The following SLC25A33 variants were observed in gnomAD, a reference collection of about 807,000 sequenced individuals.
SLC25A33 encodes bone marrow stromal cell mitochondrial carrier protein.
A neutral mutation model predicts 35.5 loss-of-function variants in SLC25A33; 15 were observed. The observed-to-expected ratio is 0.42, with a 90% CI of 0.28 to 0.65. The LOEUF (loss-of-function observed/expected upper bound fraction) is 0.65, where lower values mean the gene tolerates loss of function less well. SLC25A33 is among the 30% of genes least tolerant of loss of function. The pLI, the probability that SLC25A33 is intolerant of heterozygous loss-of-function variation, is 0.20. For missense variants in SLC25A33, 257 were observed against 398.5 expected (o/e 0.64, Z 3.02); for synonymous variants, 136 against 148.7 (o/e 0.91, Z 0.62).
intron 3 of SLC25A33, among the ~76,000 whole-genome samples, chr1:9,569,523 T>C (rs1643559851): frequency 6.6e-6 from 1 of 152,090 alleles, no homozygotes; most frequent in South Asian, 2.1e-4. Flanking sequence ...CCTCACCCAT[T>C]AGGGGAAATG....
At chr1:9,555,630 G>A (rs1643332370) in intron 2 of SLC25A33, among the ~76,000 whole-genome samples, 1 of 152,124 alleles carries the variant, frequency 6.6e-6, no homozygotes, top group Non-Finnish European at 1.5e-5. Flanking sequence ...AGCCCAGCGA[G>A]GGAACAGGGA....
intron 3 of SLC25A33, among the ~76,000 whole-genome samples, chr1:9,568,060 TGGATAGATA>T (rs1643535845): frequency 6.6e-6 from 1 of 152,202 alleles, no homozygotes; most frequent in African/African-American, 2.4e-5. Context: ...AAAGTTCTCT[TGGATAGATA>T]GGATAGAGAG....
At chr1:9,569,755 C>G (rs575484969) in intron 3 of SLC25A33, among the ~76,000 whole-genome samples, 2 of 152,140 alleles carry the variant, frequency 1.3e-5, no homozygotes, top group South Asian at 4.2e-4. Context: ...GACCACTTTG[C>G]GGTAGTCAAG....
rs574520513 is a variant in SLC25A33 at position 9,555,370 on chromosome 1, G to A, written c.236+1565G>A. 5.9e-5 allele frequency among the ~76,000 whole-genome samples: 9 copies of A among 151,972 alleles called. No homozygotes were observed. The South Asian group carries it at 1.7e-3, about 28-fold the overall frequency. Reference sequence around the variant, plus strand: ...CCTGACCTCGTGATCCGCCCACCTTGACCTCCCAAAGTGTTGGGATTACAG... The same window carrying A: ...CCTGACCTCGTGATCCGCCCACCTTAACCTCCCAAAGTGTTGGGATTACAG... On this transcript the variant is annotated intron_variant, in intron 2 of 6. Transcript: ENST00000302692.
chr1:9,559,567 A>G (rs1333824792), intron 2 of SLC25A33, among the ~76,000 whole-genome samples: 1 of 151,674 alleles, frequency 6.6e-6, no homozygotes, highest in Non-Finnish European at 1.5e-5. Context: ...GGAATATCCT[A>G]TTACATAATT....
intron 3 of SLC25A33, among the ~76,000 whole-genome samples, chr1:9,569,500 A>G (rs1234598876): frequency 6.6e-6 from 1 of 152,238 alleles, no homozygotes; most frequent in Non-Finnish European, 1.5e-5. Flanking sequence ...AACCTGATGC[A>G]GATTCCTGAC....
chr1:9,582,527 G>T lies in SLC25A33; in HGVS notation c.*26G>T. The T allele has an allele frequency of 6.4e-7, 1 of 1,572,646 alleles. No individual in the cohort carries two copies. Among genetic ancestry groups the T allele is most frequent in the Non-Finnish European group, 8.6e-7 (1 of 1,156,736 alleles). Reference sequence around the variant, plus strand: ...CAGGCCGGAAAATTGTGCTCTAGAAGAATAAAACTGAAAAACTCTAGAGAA... The same window carrying T: ...CAGGCCGGAAAATTGTGCTCTAGAATAATAAAACTGAAAAACTCTAGAGAA... On this transcript the variant is annotated 3_prime_UTR_variant, in exon 7 of 7. Coordinates refer to ENST00000302692, the MANE Select transcript of SLC25A33 (RefSeq NM_032315.3). The surrounding 1 kb of genome is among the most constrained non-coding windows in gnomAD (Gnocchi z 4.0).
chr1:9,573,162 T>C (rs1424050396), intron 4 of SLC25A33, among the ~76,000 whole-genome samples, 184 bp from the exon 5 acceptor site: 1 of 152,278 alleles, frequency 6.6e-6, no homozygotes, highest in Middle Eastern at 3.4e-3. Flanking sequence ...GCAATACCAA[T>C]AGATGTTACA....
chr1:9,580,319 C>T lies in SLC25A33; in HGVS notation c.763+85C>T, dbSNP rs1392563676. On this transcript the variant is annotated intron_variant, in intron 6 of 6. Coordinates refer to ENST00000302692, the MANE Select transcript of SLC25A33 (RefSeq NM_032315.3). Reference sequence around the variant, plus strand: ...GGTATATCTAGACTTCTGAGGCGCACATTGAGGCGCAGGATCCCTGCAGGT... The same window carrying T: ...GGTATATCTAGACTTCTGAGGCGCATATTGAGGCGCAGGATCCCTGCAGGT... The T allele has an allele frequency of 6.6e-6, 10 of 1,508,814 alleles. No individual in the cohort carries two copies. In the Admixed American group the frequency reaches 1.8e-4, roughly 27 times the overall value. 93.5% of individuals were successfully genotyped at this position (1,508,814 alleles called of 1,614,324 possible). A position where few individuals can be genotyped will look rare whatever the true frequency, so the allele number is the denominator to read the frequency against.
At chr1:9,548,899 C>T (rs1407541681) in intron 1 of SLC25A33, among the ~76,000 whole-genome samples, 1 of 152,186 alleles carries the variant, frequency 6.6e-6, no homozygotes, top group Non-Finnish European at 1.5e-5. Flanking sequence ...GCCCTGCTGC[C>T]ATTGACCAGA....
intron 1 of SLC25A33, among the ~76,000 whole-genome samples, chr1:9,548,747 AT>A (rs1643216325): frequency 6.6e-6 from 1 of 152,176 alleles, no homozygotes; most frequent in Non-Finnish European, 1.5e-5. Context: ...AGATTAGTCC[AT>A]TTTCCAACTA....
rs202104647 is a variant in SLC25A33 at position 9,582,251 on chromosome 1, G to A, written c.764-48G>A. 37 of 1,594,934 alleles carry A rather than the reference G, an allele frequency of 2.3e-5. No individual in the cohort carries two copies. In the Middle Eastern group the frequency reaches 6.7e-4, roughly 29 times the overall value. ...TTTTAAAGTTGTGTGCTGTGGATTC[G>A]TTCCCCATTTAATATGTGGCGTAAA... On this transcript the variant is annotated intron_variant, in intron 6 of 6. Transcript: ENST00000302692. The surrounding 1 kb of genome is among the most constrained non-coding windows in gnomAD (Gnocchi z 4.0).
Sources: gnomAD v4.1 joint callset for allele counts (sites outside exome capture counted in the v4.1 genomes callset) on GRCh38, gnomAD v4.1.1 for gene constraint, Gnocchi (gnomAD v3.1) non-coding constraint, MANE v1.5 for transcripts, NCBI Gene and HGNC (gene_info 2026-07-23, HGNC 2026-07-21) for gene names.